The following CPPED1 variants were observed in gnomAD, a reference collection of about 807,000 sequenced individuals.
CPPED1 encodes serine/threonine-protein phosphatase CPPED1.
In CPPED1, 28 loss-of-function variants were observed where a neutral mutation model predicts 28.0. The observed-to-expected ratio is 1.00, with a 90% CI of 0.74 to 1.37. The LOEUF is 1.37. Among genes scored for constraint, CPPED1 ranks in the 40% most tolerant of loss-of-function variants. CPPED1 has a pLI of 0.00. For missense variants in CPPED1, 504 were observed against 416.5 expected (o/e 1.21, Z -1.83); for synonymous variants, 198 against 180.2 (o/e 1.10, Z -0.79).
At position 12,663,523 on chromosome 16, in the gene CPPED1, A is replaced by G. The variant is rs1468014558; in HGVS notation, c.*1363T>C. 1 of 152,208 alleles carries G rather than the reference A, an allele frequency of 6.6e-6. No homozygotes were observed. Among genetic ancestry groups the G allele is most frequent in the Non-Finnish European group, 1.5e-5 (1 of 68,044 alleles). 9.4% of individuals were successfully genotyped at this position (152,208 alleles called of 1,614,324 possible). On this transcript the variant is annotated 3_prime_UTR_variant, in exon 4 of 4. Transcript: ENST00000381774. Reference sequence around the variant, plus strand: ...AAAATTTAATTTTCTTGTGGCACATAACAATGAACTCTGGTGTCACCAGCC... The same window carrying G: ...AAAATTTAATTTTCTTGTGGCACATGACAATGAACTCTGGTGTCACCAGCC...
At chr16:12,736,432 T>C (rs1464512542) in intron 2 of CPPED1, among the ~76,000 whole-genome samples, 1 of 151,816 alleles carries the variant, frequency 6.6e-6, no homozygotes, top group African/African-American at 2.4e-5. Flanking sequence ...TAGAGACAGG[T>C]TTTGCCATGT....
At chr16:12,673,544 G>A (rs908062810) in intron 3 of CPPED1, among the ~76,000 whole-genome samples, 2 of 152,122 alleles carry the variant, frequency 1.3e-5, no homozygotes, top group Non-Finnish European at 2.9e-5. Context: ...TAACAGAGAG[G>A]GGAGCATTTA....
At chr16:12,745,370 C>T (rs763317266) in intron 2 of CPPED1, among the ~76,000 whole-genome samples, 31 of 152,146 alleles carry the variant, frequency 2.0e-4, no homozygotes, top group Non-Finnish European at 3.7e-4. Flanking sequence ...CACATGCATG[C>T]GAATGTGCAC....
At chr16:12,779,801 A>G (rs1164271867) in intron 2 of CPPED1, among the ~76,000 whole-genome samples, 1 of 152,142 alleles carries the variant, frequency 6.6e-6, no homozygotes, top group Non-Finnish European at 1.5e-5. Flanking sequence ...AAGGAGTTAG[A>G]CATCATCACA....
rs532678276 is a variant in CPPED1, at chr16:12,697,426, A to G, written c.715+7198T>C. On this transcript the variant is annotated intron_variant, in intron 3 of 3. Transcript: ENST00000381774. ...AGGGGAACATGTGCCTCACCCAGGC[A>G]CGCCCTCCACTGAAGACCTTCAGGA... Among the ~76,000 whole-genome samples the G allele has an allele frequency of 1.7e-3, 262 of 152,276 alleles. 1 individual carries two copies. The highest frequency in any genetic ancestry group is 6.3e-3 in the African/African-American group (260 of 41,564).
chr16:12,687,168 C>T (rs533175150), intron 3 of CPPED1, among the ~76,000 whole-genome samples: 1 of 152,272 alleles, frequency 6.6e-6, no homozygotes, highest in African/African-American at 2.4e-5. Flanking sequence ...TATACTCACT[C>T]CACTACAGGC....
rs868547845 is a variant in CPPED1, at chr16:12,747,067, A to T, written c.289+34118T>A. 4.6e-5 allele frequency among the ~76,000 whole-genome samples: 7 copies of T among 151,684 alleles called. No homozygotes were observed. In the South Asian group the frequency reaches 1.3e-3, roughly 27 times the overall value. ...AGTTTACTCCCAAAAAATAAAAAAAAAATTAAAAAAAAAAAGAAGAAGAAT... is the reference window on the plus strand; with the variant it reads ...AGTTTACTCCCAAAAAATAAAAAAATAATTAAAAAAAAAAAGAAGAAGAAT... On this transcript the variant is annotated intron_variant, in intron 2 of 3. Coordinates refer to ENST00000381774, the MANE Select transcript of CPPED1 (RefSeq NM_018340.3).
chr16:12,772,934 T>A (rs1046138990), intron 2 of CPPED1, among the ~76,000 whole-genome samples: 17 of 152,230 alleles, frequency 1.1e-4, no homozygotes, highest in African/African-American at 4.1e-4. Context: ...CAGTAATATT[T>A]TGTTAGCAAA....
Position 12,662,457 on chromosome 16 carries a change from G to A in CPPED1, c.*2429C>T, listed in dbSNP as rs1245739696. Reference sequence around the variant, plus strand: ...TGTTACACGGATATATTGCGAAGTGGTGAAGTCCAGGCTTTTCCTGCAACC... The same window carrying A: ...TGTTACACGGATATATTGCGAAGTGATGAAGTCCAGGCTTTTCCTGCAACC... On this transcript the variant is annotated 3_prime_UTR_variant, in exon 4 of 4. Transcript: ENST00000381774. 6.6e-6 allele frequency: 1 copy of A among 152,160 alleles called. No homozygotes were observed. The highest frequency in any genetic ancestry group is 2.1e-4 in the South Asian group (1 of 4,830). The allele number at this position is 152,160 out of a possible 1,614,324, so 9.4% of individuals were successfully genotyped here. A position where few individuals can be genotyped will look rare whatever the true frequency, so the allele number is the denominator to read the frequency against.
chr16:12,673,048 A>G (rs1362739996), intron 3 of CPPED1, among the ~76,000 whole-genome samples: 2 of 152,150 alleles, frequency 1.3e-5, no homozygotes, highest in African/African-American at 2.4e-5. Flanking sequence ...AAAAAAAGAA[A>G]AAGAAACATT....
chr16:12,786,067 G>A (rs1346332817), intron 1 of CPPED1, among the ~76,000 whole-genome samples: 1 of 152,198 alleles, frequency 6.6e-6, no homozygotes, highest in Non-Finnish European at 1.5e-5. Context: ...AACTAGCCTG[G>A]CAATGAGCCT....
intron 2 of CPPED1, among the ~76,000 whole-genome samples, chr16:12,748,490 C>A (rs2080305677): frequency 6.6e-6 from 1 of 152,166 alleles, no homozygotes; most frequent in African/African-American, 2.4e-5. Flanking sequence ...GATTCAGTTC[C>A]AGGCCACGAC....
Position 12,662,207 on chromosome 16 carries a change from CTCT to C in CPPED1, c.*2676_*2678del, listed in dbSNP as rs770411350. The C allele has an allele frequency of 6.6e-6, 1 of 152,118 alleles. No homozygotes were observed. The highest frequency in any genetic ancestry group is 2.4e-5 in the African/African-American group (1 of 41,408). The allele number at this position is 152,118 out of a possible 1,614,324, so 9.4% of individuals were successfully genotyped here. A position where few individuals can be genotyped will look rare whatever the true frequency, so the allele number is the denominator to read the frequency against. On this transcript the variant is annotated 3_prime_UTR_variant, in exon 4 of 4. Transcript: ENST00000381774. ...AAGGCACTTATTTTTTGATATCATT[CTCT>C]TTTTTTAAAGGCAAAGGAATTACAA...
intron 2 of CPPED1, among the ~76,000 whole-genome samples, chr16:12,739,381 A>T (rs1326716046): frequency 6.6e-6 from 1 of 152,108 alleles, no homozygotes; most frequent in Non-Finnish European, 1.5e-5. Context: ...GGAGTTCAAG[A>T]CCAGGTTGGC....
At chr16:12,703,730 G>A (rs912649404) in intron 3 of CPPED1, among the ~76,000 whole-genome samples, 44 of 107,088 alleles carry the variant, frequency 4.1e-4, no homozygotes, top group African/African-American at 1.3e-3. Context: ...GAAGAACGAG[G>A]ACAAAGAGAA....
chr16:12,705,610 T>C (rs1450940667), intron 2 of CPPED1, among the ~76,000 whole-genome samples: 1 of 151,880 alleles, frequency 6.6e-6, no homozygotes, highest in Non-Finnish European at 1.5e-5. Context: ...ATACAAAAAT[T>C]AGCTGGGCAT....
At chr16:12,785,567 A>G (rs551869505) in intron 1 of CPPED1, among the ~76,000 whole-genome samples, 1 of 151,546 alleles carries the variant, frequency 6.6e-6, no homozygotes, top group South Asian at 2.1e-4. Context: ...AGCTGCGATT[A>G]CAGGCATGCA....
intron 1 of CPPED1, among the ~76,000 whole-genome samples, chr16:12,789,176 G>A (rs1189860761): frequency 6.6e-6 from 1 of 152,192 alleles, no homozygotes; most frequent in Non-Finnish European, 1.5e-5. Context: ...GGTCTGTACA[G>A]TGGTTGTGCC....
At chr16:12,798,915 A>AT (rs891320201) in intron 1 of CPPED1, among the ~76,000 whole-genome samples, 28 of 152,186 alleles carry the variant, frequency 1.8e-4, no homozygotes, top group South Asian at 8.3e-4. Flanking sequence ...GACATGTACA[A>AT]TTTTTTTTAA....
Sources: gnomAD v4.1 joint callset for allele counts (sites outside exome capture counted in the v4.1 genomes callset) on GRCh38, gnomAD v4.1.1 for gene constraint, MANE v1.5 for transcripts, NCBI Gene and HGNC (gene_info 2026-07-23, HGNC 2026-07-21) for gene names.